Variants in LRRC4C observed in about 807,000 individuals in gnomAD.
LRRC4C encodes leucine-rich repeat-containing protein 4C.
LRRC4C carries 5 observed loss-of-function variants against 33.6 expected under a neutral mutation model. That is an observed-to-expected ratio of 0.15 (90% confidence interval 0.08 to 0.31). The LOEUF (loss-of-function observed/expected upper bound fraction) is 0.31. Among genes scored for constraint, LRRC4C ranks in the 10% least tolerant of loss-of-function variants. The pLI is 1.00. For synonymous variants in LRRC4C, 329 were observed against 302.0 expected (o/e 1.09, Z -0.93); for missense variants, 560 against 796.7 (o/e 0.70, Z 3.58).
chr11:40,243,235 T>C (rs2136110096), intron 4 of LRRC4C, among the ~76,000 whole-genome samples: 1 of 152,304 alleles, frequency 6.6e-6, no homozygotes, highest in East Asian at 1.9e-4. Flanking sequence ...TACACTATAA[T>C]TAATGTATAC....
intron 1 of LRRC4C, among the ~76,000 whole-genome samples, chr11:41,243,288 T>C (rs1948324239): frequency 6.6e-6 from 1 of 152,208 alleles, no homozygotes; most frequent in Non-Finnish European, 1.5e-5. Context: ...TTTTAACAGT[T>C]TCCACATCCA....
chr11:40,765,075 T>C (rs1232492819), intron 2 of LRRC4C, among the ~76,000 whole-genome samples: 1 of 152,160 alleles, frequency 6.6e-6, no homozygotes, highest in Admixed American at 6.6e-5. Flanking sequence ...AAAACACGAC[T>C]TCGCCAAACA....
chr11:40,310,557 A>G (rs1430342377), intron 4 of LRRC4C, among the ~76,000 whole-genome samples: 2 of 152,188 alleles, frequency 1.3e-5, no homozygotes, highest in Non-Finnish European at 2.9e-5. Context: ...TGTATCCTCC[A>G]ATCATCTTTA....
chr11:41,185,685 G>C (rs1945662591), intron 1 of LRRC4C, among the ~76,000 whole-genome samples: 1 of 152,056 alleles, frequency 6.6e-6, no homozygotes, highest in Non-Finnish European at 1.5e-5. Context: ...TACAAAACTT[G>C]TATTTGCTAT....
In LRRC4C at chr11:40,568,431, T is replaced by G. The variant is rs202129324; in HGVS notation, c.-270+79711A>C. Reference sequence around the variant, plus strand: ...TGGGCCGGAAGAGCCAGCTTAGCCATGCCTAGATTCCTGATTCACAGAAAC... The same window carrying G: ...TGGGCCGGAAGAGCCAGCTTAGCCAGGCCTAGATTCCTGATTCACAGAAAC... On this transcript the variant is annotated intron_variant, in intron 3 of 6. Coordinates refer to ENST00000528697, the MANE Select transcript of LRRC4C (RefSeq NM_001258419.2). 3.3e-5 allele frequency among the ~76,000 whole-genome samples: 5 copies of G among 152,344 alleles called. No homozygotes were observed. The East Asian group carries it at 9.6e-4, about 29-fold the overall frequency.
At chr11:40,388,857 T>C (rs1949220263) in intron 3 of LRRC4C, among the ~76,000 whole-genome samples, 2 of 152,200 alleles carry the variant, frequency 1.3e-5, no homozygotes, top group Admixed American at 6.5e-5. Context: ...AGATATTCCC[T>C]GAAGTTCAGA....
intron 2 of LRRC4C, among the ~76,000 whole-genome samples, chr11:40,862,469 C>T (rs140023142): frequency 2.0e-5 from 3 of 152,184 alleles, no homozygotes; most frequent in Non-Finnish European, 2.9e-5. Flanking sequence ...AGACATTTTA[C>T]AACAAATCCA....
intron 3 of LRRC4C, among the ~76,000 whole-genome samples, chr11:40,368,635 A>G (rs1305098445): frequency 1.3e-5 from 2 of 152,106 alleles, no homozygotes; most frequent in African/African-American, 2.4e-5. Flanking sequence ...CATTCTTATA[A>G]AGCATTTCCT....
At chr11:40,545,174 A>G (rs924354427) in intron 3 of LRRC4C, among the ~76,000 whole-genome samples, 1 of 152,004 alleles carries the variant, frequency 6.6e-6, no homozygotes, top group African/African-American at 2.4e-5. Context: ...TAATTATTAT[A>G]ATAATAACCA....
intron 3 of LRRC4C, among the ~76,000 whole-genome samples, chr11:40,419,525 A>C (rs1482259822): frequency 6.6e-6 from 1 of 152,156 alleles, no homozygotes; most frequent in African/African-American, 2.4e-5. Flanking sequence ...AAAGAGAAGA[A>C]CTGTCAATCT....
chr11:40,677,956 G>A lies in LRRC4C; in HGVS notation c.-406-29678C>T, dbSNP rs574260181. On this transcript the variant is annotated intron_variant, in intron 2 of 6. Coordinates refer to ENST00000528697, the MANE Select transcript of LRRC4C (RefSeq NM_001258419.2). Reference sequence around the variant, plus strand: ...CATAAACCAGGAATGATAGAACGGAGAGTTGGAAGAAGCCTGTGACTTGGA... The same window carrying A: ...CATAAACCAGGAATGATAGAACGGAAAGTTGGAAGAAGCCTGTGACTTGGA... 2.6e-5 allele frequency among the ~76,000 whole-genome samples: 4 copies of A among 152,144 alleles called. No individual in the cohort carries two copies. The South Asian group carries it at 8.3e-4, about 32-fold the overall frequency.
At chr11:41,194,679 G>A (rs188709026) in intron 1 of LRRC4C, among the ~76,000 whole-genome samples, 3 of 152,160 alleles carry the variant, frequency 2.0e-5, no homozygotes, top group East Asian at 3.9e-4. Flanking sequence ...AAACATGTGA[G>A]CTTAGAAGTA....
At position 41,355,218 on chromosome 11, in the gene LRRC4C, A is replaced by G. The variant is rs187268553; in HGVS notation, c.-496+104213T>C. ...TACAAGTGACCAAGAACATGAAAAA[A>G]TGCTCAGCATCCCTAATCATGAGAA... On this transcript the variant is annotated intron_variant, in intron 1 of 6. Coordinates refer to ENST00000528697, the MANE Select transcript of LRRC4C (RefSeq NM_001258419.2). 3.3e-5 allele frequency among the ~76,000 whole-genome samples: 5 copies of G among 152,280 alleles called. No homozygotes were observed. The East Asian group carries it at 5.8e-4, about 18-fold the overall frequency.
intron 1 of LRRC4C, among the ~76,000 whole-genome samples, chr11:41,031,772 T>A (rs1290078971): frequency 2.0e-5 from 3 of 151,930 alleles, no homozygotes. Flanking sequence ...ATTTGGAAAA[T>A]CATCAGTCTA....
chr11:41,288,751 G>T lies in LRRC4C; in HGVS notation c.-496+170680C>A, dbSNP rs201848868. Among the ~76,000 whole-genome samples the T allele has an allele frequency of 7.9e-5, 12 of 152,246 alleles. No individual in the cohort carries two copies. The East Asian group carries it at 1.7e-3, about 22-fold the overall frequency. On this transcript the variant is annotated intron_variant, in intron 1 of 6. Coordinates refer to ENST00000528697, the MANE Select transcript of LRRC4C (RefSeq NM_001258419.2). ...GACTGAAATTAAAGTGTGGGCTAGA[G>T]CTGGGGTCTTATTTGAGGCTTAGGA...
intron 1 of LRRC4C, among the ~76,000 whole-genome samples, chr11:41,442,737 G>A (rs1470258662): frequency 6.6e-6 from 1 of 151,970 alleles, no homozygotes; most frequent in Non-Finnish European, 1.5e-5. Flanking sequence ...CCAAAGTGCT[G>A]GGATTACAGG....
intron 2 of LRRC4C, among the ~76,000 whole-genome samples, chr11:40,926,135 C>T (rs1359093338): frequency 6.6e-6 from 1 of 151,882 alleles, no homozygotes; most frequent in Non-Finnish European, 1.5e-5. Flanking sequence ...CACTAAATTG[C>T]ATGTTTTCTT....
chr11:40,128,019 A>G (rs1413298226), intron 6 of LRRC4C, among the ~76,000 whole-genome samples: 134 of 152,322 alleles, frequency 8.8e-4, no homozygotes, highest in Non-Finnish European at 1.9e-4. Context: ...AAGAATGCCC[A>G]ATCTACAATA....
chr11:40,967,010 G>A (rs1034294272), intron 1 of LRRC4C, among the ~76,000 whole-genome samples: 4 of 152,012 alleles, frequency 2.6e-5, no homozygotes, highest in Non-Finnish European at 5.9e-5. Flanking sequence ...TATCACCTAC[G>A]ATAGGGGCAA....
Sources: gnomAD v4.1 joint callset for allele counts (sites outside exome capture counted in the v4.1 genomes callset) on GRCh38, gnomAD v4.1.1 for gene constraint, MANE v1.5 for transcripts, NCBI Gene and HGNC (gene_info 2026-07-23, HGNC 2026-07-21) for gene names.